The following TAFA5 variants were observed in gnomAD, a reference collection of about 807,000 sequenced individuals.
The protein encoded by TAFA5 is chemokine-like protein TAFA-5.
In TAFA5, 6 loss-of-function variants were observed where a neutral mutation model predicts 15.3. That is an observed-to-expected ratio of 0.39 (90% confidence interval 0.21 to 0.77). The LOEUF is 0.77. Ranked by LOEUF, TAFA5 falls within the 30% of genes least tolerant of loss-of-function variation. The pLI is 0.41. For missense variants in TAFA5, 161 were observed against 193.1 expected (o/e 0.83, Z 0.98); for synonymous variants, 103 against 80.7 (o/e 1.28, Z -1.48).
chr22:48,645,958 ATG>A (rs59216842), intron 1 of TAFA5, among the ~76,000 whole-genome samples: 12,980 of 150,212 alleles, frequency 0.086, 659 homozygotes, highest in East Asian at 0.21. Context: ...ACATGCACAT[ATG>A]TGTGTGTGGG....
At chr22:48,499,184 C>G (rs953139112) in intron 1 of TAFA5, among the ~76,000 whole-genome samples, 1 of 152,214 alleles carries the variant, frequency 6.6e-6, no homozygotes, top group Non-Finnish European at 1.5e-5. Context: ...TGCTTGCAAT[C>G]TCTTCTCTGT....
chr22:48,701,682 T>C (rs1928911049), intron 2 of TAFA5, among the ~76,000 whole-genome samples: 1 of 152,234 alleles, frequency 6.6e-6, no homozygotes, highest in Non-Finnish European at 1.5e-5. Context: ...GGAGGACCTG[T>C]GGCCAGCCAG....
chr22:48,725,534 G>A (rs1214610523), intron 3 of TAFA5, among the ~76,000 whole-genome samples: 1 of 152,112 alleles, frequency 6.6e-6, no homozygotes, highest in Non-Finnish European at 1.5e-5. Flanking sequence ...AACCCAAGGT[G>A]AGGCAGGACC....
chr22:48,584,280 CA>C (rs921852999), intron 1 of TAFA5, among the ~76,000 whole-genome samples: 7 of 88,216 alleles, frequency 7.9e-5, no homozygotes, highest in East Asian at 3.0e-4. Context: ...CACACACACA[CA>C]CACCACACAC....
At chr22:48,564,333 G>A (rs1923340019) in intron 1 of TAFA5, among the ~76,000 whole-genome samples, 2 of 152,260 alleles carry the variant, frequency 1.3e-5, no homozygotes, top group Admixed American at 6.5e-5. Flanking sequence ...TTCAGGGCAC[G>A]TTGGGTTTTC....
intron 1 of TAFA5, among the ~76,000 whole-genome samples, chr22:48,628,634 C>A (rs932733651): frequency 2.0e-5 from 3 of 152,200 alleles, no homozygotes; most frequent in Admixed American, 6.5e-5. Context: ...CCCAGATGTG[C>A]TGTTGAGCTG....
In TAFA5 at chr22:48,552,194, A is replaced by G. The variant is rs1475183221; in HGVS notation, c.112+62490A>G. ...AGTCACCAGTCACAGCGGACCTCACATGGCTCTTCTGCTGTGGAGAAGGGT... is the reference window on the plus strand; with the variant it reads ...AGTCACCAGTCACAGCGGACCTCACGTGGCTCTTCTGCTGTGGAGAAGGGT... On this transcript the variant is annotated intron_variant, in intron 1 of 3. Transcript: ENST00000402357. This position sits in a 1 kb window ranked among gnomAD's most constrained non-coding sequence, Gnocchi z 4.1. Among the ~76,000 whole-genome samples the G allele has an allele frequency of 1.3e-5, 2 of 152,116 alleles. No individual in the cohort carries two copies. Among genetic ancestry groups the G allele is most frequent in the African/African-American group, 4.8e-5 (2 of 41,442 alleles).
At chr22:48,690,945 AT>A (rs1928521731) in intron 2 of TAFA5, among the ~76,000 whole-genome samples, 1 of 151,706 alleles carries the variant, frequency 6.6e-6, no homozygotes. Flanking sequence ...CCACATCTGG[AT>A]GGGGTCCAGA....
At chr22:48,621,737 G>A (rs764712192) in intron 1 of TAFA5, among the ~76,000 whole-genome samples, 14 of 152,284 alleles carry the variant, frequency 9.2e-5, no homozygotes, top group East Asian at 3.9e-4. Flanking sequence ...CAGTAGCTTC[G>A]TCCTGAGACC....
intron 3 of TAFA5, among the ~76,000 whole-genome samples, chr22:48,713,544 C>CA (rs1929316613): frequency 1.3e-5 from 2 of 152,340 alleles, no homozygotes; most frequent in East Asian, 1.9e-4. Context: ...AGGTCAGACT[C>CA]ACCACCGATG....
At chr22:48,522,836 G>A (rs1325874470) in intron 1 of TAFA5, among the ~76,000 whole-genome samples, 4 of 152,248 alleles carry the variant, frequency 2.6e-5, no homozygotes, top group East Asian at 1.9e-4. Context: ...GACTCTGGCT[G>A]GGAGGCCTCC....
intron 1 of TAFA5, among the ~76,000 whole-genome samples, chr22:48,586,209 C>T (rs1444089433): frequency 6.6e-6 from 1 of 152,268 alleles, no homozygotes; most frequent in East Asian, 1.9e-4. Context: ...GATAGCAGGA[C>T]AGGTGCAGCC....
At chr22:48,725,202 C>T (rs1401614340) in intron 3 of TAFA5, among the ~76,000 whole-genome samples, 3 of 152,356 alleles carry the variant, frequency 2.0e-5, no homozygotes, top group East Asian at 1.9e-4. Flanking sequence ...GGGCTTCCCA[C>T]ACCTGCAGGA....
At position 48,617,716 on chromosome 22, in the gene TAFA5, T is replaced by C. The variant is rs141391071; in HGVS notation, c.113-28881T>C. 1.1e-4 allele frequency among the ~76,000 whole-genome samples: 17 copies of C among 152,356 alleles called. No homozygotes were observed. In the East Asian group the frequency reaches 3.1e-3, roughly 28 times the overall value. On this transcript the variant is annotated intron_variant, in intron 1 of 3. Coordinates refer to ENST00000402357, the MANE Select transcript of TAFA5 (RefSeq NM_001082967.3). ...TGCCTGAGGCGGGGGCTGGATGTTC[T>C]GGAGCCTGGCTTGGTGCATCCCTGG...
intron 2 of TAFA5, among the ~76,000 whole-genome samples, chr22:48,680,768 C>G (rs1270912243): frequency 6.6e-6 from 1 of 152,246 alleles, no homozygotes; most frequent in Admixed American, 6.5e-5. Context: ...GCTCTTCCCA[C>G]TGCAGCCGCC....
intron 1 of TAFA5, among the ~76,000 whole-genome samples, chr22:48,595,515 A>G (rs1924734242): frequency 6.6e-6 from 1 of 152,248 alleles, no homozygotes; most frequent in Non-Finnish European, 1.5e-5. Context: ...AGAAGAGCCC[A>G]GGTCTCGTCT....
At chr22:48,600,610 T>G (rs1294058994) in intron 1 of TAFA5, among the ~76,000 whole-genome samples, 2 of 152,220 alleles carry the variant, frequency 1.3e-5, no homozygotes, top group Admixed American at 6.5e-5. Context: ...TGTGCAATAG[T>G]TCTTCCATTT....
At chr22:48,686,768 ATGGATGGATGGATGGATGGTAGACAAG>A (rs1305499475) in intron 2 of TAFA5, among the ~76,000 whole-genome samples, 3 of 150,798 alleles carry the variant, frequency 2.0e-5, no homozygotes, top group Non-Finnish European at 4.4e-5. Context: ...TGGGTAGGGG[ATGGATGGATGGATGGATGGTAGACAAG>A]TGGATGGATG....
chr22:48,714,560 C>T (rs1046520037), intron 3 of TAFA5, among the ~76,000 whole-genome samples: 9 of 152,290 alleles, frequency 5.9e-5, no homozygotes, highest in East Asian at 1.9e-4. Flanking sequence ...GAGACCTGGG[C>T]GGCGTTGGAC....
Sources: gnomAD v4.1 joint callset for allele counts (sites outside exome capture counted in the v4.1 genomes callset) on GRCh38, gnomAD v4.1.1 for gene constraint, Gnocchi (gnomAD v3.1) non-coding constraint, MANE v1.5 for transcripts, NCBI Gene and HGNC (gene_info 2026-07-23, HGNC 2026-07-21) for gene names.